ARL6: variants seen among roughly 807,000 people sequenced by gnomAD.
ARL6 encodes the protein ADP-ribosylation factor-like protein 6.
A neutral mutation model predicts 27.1 loss-of-function variants in ARL6; 18 were observed. The ratio of observed to expected loss-of-function variants is 0.66; its 90% CI spans 0.46 to 0.98. ARL6 has a LOEUF of 0.98. Among genes scored for constraint, ARL6 ranks in the 50% least tolerant of loss-of-function variants. The pLI is 0.00. For synonymous variants in ARL6, 65 were observed against 72.3 expected (o/e 0.90, Z 0.51); for missense variants, 187 against 214.9 (o/e 0.87, Z 0.81).
In ARL6 at chr3:97,768,100, A is replaced by C; in HGVS notation, c.-8A>C. On this transcript the variant is annotated 5_prime_UTR_variant, in exon 2 of 8. Transcript: ENST00000463745. ...TTGCAGCTGGTTTGTAAATATTTGA[A>C]TCACATTATGGGATTGCTAGACAGA... is the stretch of plus-strand genomic sequence containing the variant. 2 of 1,612,720 alleles carry C rather than the reference A, an allele frequency of 1.2e-6. No homozygotes were observed. The highest frequency in any genetic ancestry group is 1.7e-6 in the Non-Finnish European group (2 of 1,178,942).
At chr3:97,772,353 G>A (rs531408804) in intron 2 of ARL6, among the ~76,000 whole-genome samples, 1 of 151,870 alleles carries the variant, frequency 6.6e-6, no homozygotes, top group East Asian at 1.9e-4. Flanking sequence ...TATTTCTGTG[G>A]TATCAGTTGT....
At chr3:97,792,289 C>T (rs138513211) in intron 7 of ARL6, among the ~76,000 whole-genome samples, 1 of 152,088 alleles carries the variant, frequency 6.6e-6, no homozygotes, top group South Asian at 2.1e-4. Flanking sequence ...GTCAGGAGAT[C>T]GAGGCCAACA....
At chr3:97,790,065 G>C (rs1318578278) in intron 6 of ARL6, among the ~76,000 whole-genome samples, 1 of 151,352 alleles carries the variant, frequency 6.6e-6, no homozygotes, top group Admixed American at 6.6e-5. Context: ...GTGTGTGTGT[G>C]TGTGTGTGTG....
At chr3:97,784,855 A>G (rs2037371914) in intron 4 of ARL6, 100 bp from the exon 5 acceptor site, 11 of 779,212 alleles carry the variant, frequency 1.4e-5, no homozygotes, top group South Asian at 1.2e-4. Context: ...GACATAGGAC[A>G]TAAGGAGATA....
intron 6 of ARL6, among the ~76,000 whole-genome samples, chr3:97,789,086 G>A (rs576983065): frequency 5.3e-5 from 8 of 152,242 alleles, no homozygotes; most frequent in Non-Finnish European, 7.4e-5. Context: ...TAGTTTTGGC[G>A]CTGAAAGAGT....
chr3:97,787,945 C>A, intron 5 of ARL6, 45 bp from the exon 6 acceptor site: 1 of 1,608,738 alleles, frequency 6.2e-7, no homozygotes, highest in Non-Finnish European at 8.5e-7. Flanking sequence ...TGCAAAATGA[C>A]CTAAAAAGCT....
In ARL6 at chr3:97,769,425, T is replaced by C. The variant is rs188219713; in HGVS notation, c.123+1195T>C. 1.5e-3 allele frequency among the ~76,000 whole-genome samples: 235 copies of C among 152,220 alleles called. 1 individual carries two copies. The highest frequency in any genetic ancestry group is 5.3e-3 in the African/African-American group (222 of 41,582). ...CATCCAGTTTTTATATCATTTTTTA[T>C]TGATACAAATTTAGGGGTTACATGT... On this transcript the variant is annotated intron_variant, in intron 2 of 7. Transcript: ENST00000463745.
intron 5 of ARL6, among the ~76,000 whole-genome samples, chr3:97,787,625 C>A (rs1184206456): frequency 6.6e-6 from 1 of 152,112 alleles, no homozygotes; most frequent in Non-Finnish European, 1.5e-5. Context: ...TTCCCAGTTT[C>A]TTTTCCTTCT....
At position 97,768,124 on chromosome 3, in the gene ARL6, G is replaced by A. The variant is rs751957701; in HGVS notation, c.17G>A (p.Arg6Lys). 27 of 1,612,872 alleles carry A rather than the reference G, an allele frequency of 1.7e-5. No individual in the cohort carries two copies. Among genetic ancestry groups the A allele is most frequent in the Non-Finnish European group, 2.3e-5 (27 of 1,179,164 alleles). MGLLDRLSVLLGLKKK... is the reference protein window; with the variant it reads MGLLDKLSVLLGLKKK... The stretch of plus-strand genomic sequence containing the variant: ...AATCACATTATGGGATTGCTAGACA[G>A]ACTTTCAGTCTTGCTTGGCCTGAAG... The change falls in exon 2 of 8, where the codon AGA becomes AAA. Residue 6 changes from arginine to lysine, a missense_variant. By Grantham distance (26) the Arg-to-Lys change is conservative. Transcript: ENST00000463745.
At chr3:97,768,052 G>T (rs1414189002) in intron 1 of ARL6, 29 bp from the exon 2 acceptor site, 1 of 1,600,310 alleles carries the variant, frequency 6.2e-7, no homozygotes, top group Non-Finnish European at 8.6e-7. Flanking sequence ...GGTGCCTTTG[G>T]GTAATATTTT....
At chr3:97,769,813 CACTTA>C (rs774619795) in intron 2 of ARL6, among the ~76,000 whole-genome samples, 3 of 152,030 alleles carry the variant, frequency 2.0e-5, no homozygotes, top group Non-Finnish European at 4.4e-5. Flanking sequence ...TGGCTTATTT[CACTTA>C]ACTTAATGAC....
chr3:97,772,872 G>A (rs990103906), intron 2 of ARL6, among the ~76,000 whole-genome samples: 3 of 151,910 alleles, frequency 2.0e-5, no homozygotes, highest in Non-Finnish European at 2.9e-5. Flanking sequence ...TGCCCACCTC[G>A]GCCTCCCAAA....
rs2038102225 is a variant in ARL6, at chr3:97,798,405, T to A, written c.*356T>A. 6.2e-6 allele frequency: 1 copy of A among 162,406 alleles called. No homozygotes were observed. Among genetic ancestry groups the A allele is most frequent in the Non-Finnish European group, 1.3e-5 (1 of 74,502 alleles). The allele number at this position is 162,406 out of a possible 1,614,324, so 10.1% of individuals were successfully genotyped here. ...TTAATTGTCTTTTTAAAAAATTTAG[T>A]TTATGACTTTGCAGTATGAATTGTG... On this transcript the variant is annotated 3_prime_UTR_variant, in exon 8 of 8. Coordinates refer to ENST00000463745, the MANE Select transcript of ARL6 (RefSeq NM_001278293.3).
Position 97,780,610 on chromosome 3 carries a change from T to C in ARL6, c.186-5T>C, listed in dbSNP as rs1175205278. The C allele has an allele frequency of 1.2e-6, 2 of 1,611,926 alleles. No homozygotes were observed. Among genetic ancestry groups the C allele is most frequent in the Non-Finnish European group, 1.7e-6 (2 of 1,178,352 alleles). Reference sequence around the variant, plus strand: ...AATGTAGTCATGTTTTGCTTCTTTTTGTAGTTTGTCATTTACAGTGTTTGA... The same window carrying C: ...AATGTAGTCATGTTTTGCTTCTTTTCGTAGTTTGTCATTTACAGTGTTTGA... On this transcript the variant is annotated splice_region_variant and splice_polypyrimidine_tract_variant and intron_variant, in intron 3 of 7. Coordinates refer to ENST00000463745, the MANE Select transcript of ARL6 (RefSeq NM_001278293.3).
intron 6 of ARL6, chr3:97,791,290 C>T (rs2037723406): frequency 6.4e-6 from 1 of 156,018 alleles, no homozygotes; most frequent in African/African-American, 2.4e-5. Flanking sequence ...TTGAGATCTA[C>T]CGACTTTTTG....
In ARL6 at chr3:97,798,574, C is replaced by T. The variant is rs1351584219; in HGVS notation, c.*525C>T. 6.5e-6 allele frequency: 1 copy of T among 152,788 alleles called. No individual in the cohort carries two copies. The allele number at this position is 152,788 out of a possible 1,614,324, so 9.5% of individuals were successfully genotyped here. On this transcript the variant is annotated 3_prime_UTR_variant, in exon 8 of 8. Coordinates refer to ENST00000463745, the MANE Select transcript of ARL6 (RefSeq NM_001278293.3). ...TGTTTATGCTGAAAAGAATAATGCT[C>T]TGTTAGTATGGTATTTCGTGTCATA...
At chr3:97,776,342 T>A (rs1242991655) in intron 2 of ARL6, among the ~76,000 whole-genome samples, 1 of 152,200 alleles carries the variant, frequency 6.6e-6, no homozygotes, top group Admixed American at 6.5e-5. Flanking sequence ...TGAAATGAGT[T>A]TTTTGTGGAA....
Position 97,788,071 on chromosome 3 carries a change from C to T in ARL6, c.431C>T (p.Ser144Phe). ...LRDAVTSVKV[S>F]QLLCLENIKD... ...GATGCAGTGACATCTGTAAAAGTGT[C>T]TCAGTTGCTGTGTTTAGAGAACATC... Residue 144 changes from serine to phenylalanine, a missense_variant, in exon 6 of 8, where the codon TCT becomes TTT. Physicochemically the swap from Ser to Phe is radical, Grantham distance 155 (BLOSUM62 -2). Coordinates refer to ENST00000463745, the MANE Select transcript of ARL6 (RefSeq NM_001278293.3). 1 of 1,613,270 alleles carries T rather than the reference C, an allele frequency of 6.2e-7. No individual in the cohort carries two copies. The highest frequency in any genetic ancestry group is 8.5e-7 in the Non-Finnish European group (1 of 1,179,548).
At chr3:97,795,847 TG>T (rs1415431598) in intron 7 of ARL6, among the ~76,000 whole-genome samples, 1 of 152,158 alleles carries the variant, frequency 6.6e-6, no homozygotes. Context: ...AACTGTCTGG[TG>T]GTGCTGAATT....
Sources: allele counts gnomAD v4.1 joint callset (sites outside exome capture counted in the v4.1 genomes callset), GRCh38; gene constraint gnomAD v4.1.1; transcripts MANE v1.5; gene names NCBI Gene and HGNC (gene_info 2026-07-23, HGNC 2026-07-21).